The following RORA variants were observed in gnomAD, a reference collection of about 807,000 sequenced individuals.
The protein encoded by RORA is nuclear receptor ROR-alpha.
RORA carries 7 observed loss-of-function variants against 69.5 expected under a neutral mutation model. The ratio of observed to expected loss-of-function variants is 0.10; its 90% CI spans 0.06 to 0.19. The LOEUF is 0.19. Ranked by LOEUF, RORA falls within the 10% of genes least tolerant of loss-of-function variation. RORA has a pLI of 1.00. For synonymous variants in RORA, 261 were observed against 240.8 expected (o/e 1.08, Z -0.78); for missense variants, 457 against 663.0 (o/e 0.69, Z 3.41).
At chr15:60,502,601 C>CT (rs2065365925) in intron 8 of RORA, among the ~76,000 whole-genome samples, 159 bp downstream of exon 8, 1 of 152,132 alleles carries the variant, frequency 6.6e-6, no homozygotes. Context: ...AGCTATATGA[C>CT]TTTTCTACAG....
intron 1 of RORA, among the ~76,000 whole-genome samples, chr15:60,966,967 C>T (rs1893570175): frequency 6.6e-6 from 1 of 152,178 alleles, no homozygotes; most frequent in South Asian, 2.1e-4. Context: ...ATATTCCACT[C>T]TTCTGCCACC....
chr15:61,205,774 C>T (rs946847106), intron 1 of RORA, among the ~76,000 whole-genome samples: 15 of 152,142 alleles, frequency 9.9e-5, no homozygotes, highest in African/African-American at 3.6e-4. Flanking sequence ...AGGCTGCTTG[C>T]TACCTCCCAC....
At chr15:60,896,423 T>C (rs1891232670) in intron 1 of RORA, among the ~76,000 whole-genome samples, 1 of 152,244 alleles carries the variant, frequency 6.6e-6, no homozygotes, top group African/African-American at 2.4e-5. Context: ...TTTCCTCCAT[T>C]AGACCCTTTA....
intron 1 of RORA, among the ~76,000 whole-genome samples, chr15:61,084,739 A>T (rs1245415662): frequency 6.6e-6 from 1 of 152,132 alleles, no homozygotes; most frequent in African/African-American, 2.4e-5. Flanking sequence ...CTGTGTATAC[A>T]ACTTCACCAA....
intron 1 of RORA, among the ~76,000 whole-genome samples, chr15:60,723,249 T>A (rs2071315122): frequency 6.6e-6 from 1 of 152,214 alleles, no homozygotes; most frequent in African/African-American, 2.4e-5. Context: ...AGTTTTATTT[T>A]AGCAATAGCA....
chr15:60,501,608 TCTAA>T (rs1246270546), intron 8 of RORA, among the ~76,000 whole-genome samples: 1 of 152,202 alleles, frequency 6.6e-6, no homozygotes, highest in Admixed American at 6.5e-5. Context: ...ATAGCCATAT[TCTAA>T]CTGATATGTT....
intron 1 of RORA, among the ~76,000 whole-genome samples, chr15:61,171,192 A>G (rs2079581871): frequency 6.6e-6 from 1 of 152,164 alleles, no homozygotes; most frequent in African/African-American, 2.4e-5. Context: ...CTTGGCTTTC[A>G]GGGCAGAAAT....
intron 2 of RORA, among the ~76,000 whole-genome samples, chr15:60,613,776 A>C (rs1423301147): frequency 6.6e-6 from 1 of 151,452 alleles, no homozygotes; most frequent in Non-Finnish European, 1.5e-5. Context: ...TGAAAAAAAA[A>C]AAAGGTGTCA....
At chr15:60,969,795 C>T (rs1893660119) in intron 1 of RORA, among the ~76,000 whole-genome samples, 1 of 152,180 alleles carries the variant, frequency 6.6e-6, no homozygotes, top group African/African-American at 2.4e-5. Flanking sequence ...GCTCTGCAAC[C>T]TTGCACTAGT....
At chr15:60,829,291 C>T (rs927222141) in intron 1 of RORA, among the ~76,000 whole-genome samples, 3 of 152,164 alleles carry the variant, frequency 2.0e-5, no homozygotes, top group Non-Finnish European at 2.9e-5. Context: ...CCCGGAGCAC[C>T]GGCCTGTTCA....
chr15:60,593,853 T>C (rs2068608620), intron 2 of RORA, among the ~76,000 whole-genome samples: 2 of 152,142 alleles, frequency 1.3e-5, no homozygotes, highest in Admixed American at 1.3e-4. Flanking sequence ...AGTGAGTTGC[T>C]CTTGCCCCTG....
chr15:61,113,124 T>C (rs1040880168), intron 1 of RORA, among the ~76,000 whole-genome samples: 20 of 152,218 alleles, frequency 1.3e-4, no homozygotes, highest in African/African-American at 4.3e-4. Flanking sequence ...GCTCCTGCTA[T>C]GGGTTGCCCC....
intron 5 of RORA, among the ~76,000 whole-genome samples, chr15:60,505,866 C>G (rs1336360811): frequency 6.6e-6 from 1 of 152,122 alleles, no homozygotes; most frequent in Non-Finnish European, 1.5e-5. Context: ...AAAGACCCTC[C>G]TGACTTTGCC....
At chr15:61,035,440 T>C (rs1475975335) in intron 1 of RORA, among the ~76,000 whole-genome samples, 4 of 152,222 alleles carry the variant, frequency 2.6e-5, no homozygotes, top group Non-Finnish European at 4.4e-5. Flanking sequence ...ATGTACTTCA[T>C]GTGGCAAAAT....
intron 1 of RORA, among the ~76,000 whole-genome samples, chr15:61,129,640 T>C (rs1207566775): frequency 1.3e-5 from 2 of 152,220 alleles, no homozygotes; most frequent in African/African-American, 4.8e-5. Flanking sequence ...TTTTAAATGG[T>C]AGAGTTTAAA....
chr15:60,771,335 C>T (rs1277555467), intron 1 of RORA, among the ~76,000 whole-genome samples: 1 of 152,146 alleles, frequency 6.6e-6, no homozygotes, highest in Admixed American at 6.5e-5. Flanking sequence ...CTTTTTAGAC[C>T]AGTGAGCTCG....
rs982060143 is a variant in RORA, at chr15:60,668,830, C to T, written c.196+9827G>A. Reference sequence around the variant, plus strand: ...GGACCTTGGTATTCTTTAAGTAAAACGACAGAAACATATTCTAAGGAAATT... The same window carrying T: ...GGACCTTGGTATTCTTTAAGTAAAATGACAGAAACATATTCTAAGGAAATT... On this transcript the variant is annotated intron_variant, in intron 2 of 10. Transcript: ENST00000335670. Among the ~76,000 whole-genome samples the T allele has an allele frequency of 3.3e-5, 5 of 152,182 alleles. No homozygotes were observed. The East Asian group carries it at 5.8e-4, about 18-fold the overall frequency.
intron 1 of RORA, among the ~76,000 whole-genome samples, chr15:61,095,121 A>T (rs912091032): frequency 6.6e-6 from 1 of 152,210 alleles, no homozygotes; most frequent in Non-Finnish European, 1.5e-5. Flanking sequence ...GTAAAGGTGT[A>T]AAGCTGTAAT....
chr15:61,172,300 C>A (rs975064455), intron 1 of RORA, among the ~76,000 whole-genome samples: 1 of 152,210 alleles, frequency 6.6e-6, no homozygotes, highest in East Asian at 1.9e-4. Context: ...ATAAATACCA[C>A]GTATTTCATT....
Sources: allele counts gnomAD v4.1 joint callset (sites outside exome capture counted in the v4.1 genomes callset), GRCh38; gene constraint gnomAD v4.1.1; transcripts MANE v1.5; gene names NCBI Gene and HGNC (gene_info 2026-07-23, HGNC 2026-07-21).